Variants in FAM184A observed in about 807,000 individuals in gnomAD.
The protein encoded by FAM184A is protein FAM184A.
FAM184A carries 99 observed loss-of-function variants against 143.8 expected under a neutral mutation model. The observed-to-expected ratio is 0.69, with a 90% CI of 0.58 to 0.81. The LOEUF (loss-of-function observed/expected upper bound fraction) is 0.81. Ranked by LOEUF, FAM184A falls within the 40% of genes least tolerant of loss-of-function variation. FAM184A has a pLI of 0.00. For missense variants in FAM184A, 1,217 were observed against 1,310.5 expected, an observed-to-expected ratio of 0.93 and a Z score of 1.10; for synonymous variants, 427 against 446.4, an observed-to-expected ratio of 0.96 and a Z score of 0.55.
At chr6:118,986,632 G>A (rs1015271555) in intron 9 of FAM184A, among the ~76,000 whole-genome samples, 21 of 152,152 alleles carry the variant, frequency 1.4e-4, no homozygotes, top group Admixed American at 1.4e-3. Flanking sequence ...ATGAATCAAG[G>A]CACTTTCATT....
chr6:119,049,072 C>T (rs1562127672), intron 1 of FAM184A, among the ~76,000 whole-genome samples: 1 of 152,162 alleles, frequency 6.6e-6, no homozygotes, highest in Non-Finnish European at 1.5e-5. Context: ...GCAAAAAGGA[C>T]AAAGCTGGAT....
chr6:118,979,528 G>C lies in FAM184A; in HGVS notation c.2302-10C>G, dbSNP rs1296236422. 6.3e-7 allele frequency: 1 copy of C among 1,582,998 alleles called. No individual in the cohort carries two copies. The highest frequency in any genetic ancestry group is 8.6e-7 in the Non-Finnish European group (1 of 1,168,514). On this transcript the variant is annotated splice_polypyrimidine_tract_variant and intron_variant, in intron 10 of 17. Transcript: ENST00000338891. ...AATGATTTTCAAGAGCCTAGAACAA[G>C]ACAAATTCAAATTATTATGCTAGAA...
chr6:118,979,574 C>T, intron 10 of FAM184A, 56 bp from the exon 11 acceptor site: 1 of 1,343,662 alleles, frequency 7.4e-7, no homozygotes, highest in Non-Finnish European at 1.0e-6. Context: ...AAAATGCAAA[C>T]AAAATAGAAA....
rs376574886 is a variant in FAM184A at position 119,047,747 on chromosome 6, C to A, written c.160-22934G>T. 7.9e-5 allele frequency among the ~76,000 whole-genome samples: 12 copies of A among 151,984 alleles called. 1 individual carries two copies. Among genetic ancestry groups the A allele is most frequent in the African/African-American group, 2.4e-4 (10 of 41,470 alleles). The stretch of plus-strand genomic sequence containing the variant: ...AAATCAGTAATAAATAGCCTAAAAA[C>A]CAAAAAAAGCCCAGGATCATATGGA... On this transcript the variant is annotated intron_variant, in intron 1 of 17. Transcript: ENST00000338891.
chr6:119,070,386 T>C (rs1393946410), intron 1 of FAM184A, among the ~76,000 whole-genome samples: 1 of 152,170 alleles, frequency 6.6e-6, no homozygotes, highest in East Asian at 1.9e-4. Context: ...AAAATACAAC[T>C]GGCAATCTCC....
chr6:119,026,858 T>C (rs1785651421), intron 1 of FAM184A, among the ~76,000 whole-genome samples: 2 of 152,216 alleles, frequency 1.3e-5, no homozygotes, highest in Non-Finnish European at 2.9e-5. Flanking sequence ...GAAATGCCCC[T>C]GTAAAGCTGC....
chr6:119,115,970 AACAC>A (rs66707302), intron 1 of FAM184A, among the ~76,000 whole-genome samples: 2,518 of 137,332 alleles, frequency 0.018, 30 homozygotes, highest in South Asian at 0.047. Context: ...CTCCGTCTCA[AACAC>A]ACACACACAC....
At chr6:119,031,345 G>A (rs1785863970) in intron 1 of FAM184A, 1 of 152,134 alleles carries the variant, frequency 6.6e-6, no homozygotes, top group Non-Finnish European at 1.5e-5. Flanking sequence ...CCCTCATTCT[G>A]GGACTGGTGC....
In FAM184A at chr6:118,974,481, A is replaced by T; in HGVS notation, c.2862T>A (p.Asp954Glu). Residue 954 changes from aspartate (D) to glutamate (E), a missense_variant, in exon 14 of 18, where the codon GAT becomes GAA. Transcript: ENST00000338891. The part of the protein sequence containing the change: ...HLREKNIMRA[D>E]FNKTNELLKE... ...TGAGTAGCTCGTTAGTCTTATTAAA[A>T]TCTGCCCGCATGATATTTTTCTCTC... 6.2e-7 allele frequency: 1 copy of T among 1,612,950 alleles called. No homozygotes were observed. The highest frequency in any genetic ancestry group is 8.5e-7 in the Non-Finnish European group (1 of 1,179,354).
intron 1 of FAM184A, among the ~76,000 whole-genome samples, chr6:119,143,558 G>A (rs567263882): frequency 3.9e-5 from 6 of 152,292 alleles, no homozygotes; most frequent in South Asian, 2.1e-4. Context: ...GGAAACAATC[G>A]AAGTATCCCA....
chr6:118,976,017 T>C lies in FAM184A; in HGVS notation c.2483A>G (p.Gln828Arg). 1 of 1,613,370 alleles carries C rather than the reference T, an allele frequency of 6.2e-7. No homozygotes were observed. Among genetic ancestry groups the C allele is most frequent in the South Asian group, 1.1e-5 (1 of 90,780 alleles). The change falls in exon 12 of 18, where the codon CAA becomes CGA. Residue 828 changes from glutamine (Q) to arginine (R), a missense_variant. Coordinates refer to ENST00000338891, the MANE Select transcript of FAM184A (RefSeq NM_024581.6). ...TAACAAATCAATTGCAGCTGCATGT[T>C]GATGGTTGAGTTCTGAGCGCAAGGA... ...LASLRSELNHQHAAAIDLLRH... is the reference protein window; with the variant it reads ...LASLRSELNHRHAAAIDLLRH...
intron 1 of FAM184A, among the ~76,000 whole-genome samples, chr6:119,050,977 G>A (rs1034931534): frequency 2.0e-5 from 3 of 152,088 alleles, no homozygotes; most frequent in African/African-American, 4.8e-5. Flanking sequence ...AGAAGGGAAC[G>A]CTGGGGCCTA....
intron 1 of FAM184A, among the ~76,000 whole-genome samples, chr6:119,067,717 C>T (rs538696437): frequency 1.8e-4 from 28 of 152,334 alleles, no homozygotes; most frequent in South Asian, 1.7e-3. Flanking sequence ...TGCAATACAA[C>T]GACCACGAAT....
At chr6:119,136,614 G>C (rs1281324295) in intron 1 of FAM184A, among the ~76,000 whole-genome samples, 2 of 152,190 alleles carry the variant, frequency 1.3e-5, no homozygotes, top group African/African-American at 4.8e-5. Context: ...TGACCAACCA[G>C]GCTTTGGAAA....
intron 1 of FAM184A, among the ~76,000 whole-genome samples, chr6:119,068,402 G>A (rs905791658): frequency 6.6e-6 from 1 of 152,088 alleles, no homozygotes; most frequent in Admixed American, 6.6e-5. Flanking sequence ...AACCAAGTGG[G>A]GAGGGGATAG....
intron 1 of FAM184A, among the ~76,000 whole-genome samples, chr6:119,129,132 C>T (rs561191227): frequency 1.1e-3 from 163 of 152,296 alleles, no homozygotes; most frequent in African/African-American, 3.7e-3. Flanking sequence ...TCCCAGATGT[C>T]GCACCTTTCC....
At position 118,961,870 on chromosome 6, in the gene FAM184A, G is replaced by A. The variant is rs888102632; in HGVS notation, c.3232C>T (p.Pro1078Ser). 4 of 1,613,928 alleles carry A rather than the reference G, an allele frequency of 2.5e-6. No individual in the cohort carries two copies. The highest frequency in any genetic ancestry group is 3.4e-6 in the Non-Finnish European group (4 of 1,179,880). Residue 1078 changes from proline to serine, a missense_variant, in exon 17 of 18, where the codon CCT becomes TCT. Physicochemically the swap from Pro to Ser is moderately conservative, Grantham distance 74 (BLOSUM62 -1). Coordinates refer to ENST00000338891, the MANE Select transcript of FAM184A (RefSeq NM_024581.6). ...TTAGGAATGGGATCCAGGCGGTTAG[G>A]ATGTCCATTGCCCACTCCACCAGAT... ...LESGGVGNGH[P>S]NRLDPIPNSP...
chr6:118,997,732 T>C (rs904312544), intron 9 of FAM184A, among the ~76,000 whole-genome samples: 1 of 151,950 alleles, frequency 6.6e-6, no homozygotes, highest in African/African-American at 2.4e-5. Flanking sequence ...GCAGAATGAG[T>C]ACTGAGCTCT....
At chr6:118,998,996 G>C (rs1176282337) in intron 9 of FAM184A, among the ~76,000 whole-genome samples, 3 of 152,224 alleles carry the variant, frequency 2.0e-5, no homozygotes, top group Admixed American at 2.0e-4. Flanking sequence ...GGTAACAGTT[G>C]CAGTACAGGA....
Sources: gnomAD v4.1 joint callset for allele counts (sites outside exome capture counted in the v4.1 genomes callset) on GRCh38, gnomAD v4.1.1 for gene constraint, MANE v1.5 for transcripts, NCBI Gene and HGNC (gene_info 2026-07-23, HGNC 2026-07-21) for gene names.